SPAG17: variants seen among roughly 807,000 people sequenced by gnomAD.
SPAG17 encodes sperm-associated antigen 17.
A neutral mutation model predicts 273.6 loss-of-function variants in SPAG17; 169 were observed. That is an observed-to-expected ratio of 0.62 (90% CI 0.55 to 0.70). The LOEUF (loss-of-function observed/expected upper bound fraction) is 0.70. Among genes scored for constraint, SPAG17 ranks in the 30% least tolerant of loss-of-function variants. The pLI, the probability that SPAG17 is intolerant of heterozygous loss-of-function variation, is 0.00. For synonymous variants in SPAG17, 825 were observed against 873.2 expected (o/e 0.94, Z 0.97); for missense variants, 2,557 against 2,627.8 (o/e 0.97, Z 0.59).
chr1:117,966,909 G>A (rs753806148), intron 46 of SPAG17, among the ~76,000 whole-genome samples, 156 bp from the exon 47 acceptor site: 1 of 152,126 alleles, frequency 6.6e-6, no homozygotes, highest in Non-Finnish European at 1.5e-5. Context: ...TAAGCATTTA[G>A]CGGAATTACT....
chr1:117,957,572 T>C (rs1054083150), intron 48 of SPAG17, among the ~76,000 whole-genome samples: 6 of 152,250 alleles, frequency 3.9e-5, no homozygotes, highest in Middle Eastern at 3.2e-3. Context: ...CCTCATTTGT[T>C]GTTTCTTTTA....
chr1:118,169,892 T>A (rs1203506944), intron 1 of SPAG17, among the ~76,000 whole-genome samples: 1 of 152,102 alleles, frequency 6.6e-6, no homozygotes, highest in Non-Finnish European at 1.5e-5. Flanking sequence ...TAGAAAAAAA[T>A]TAAAAATTAA....
chr1:118,072,415 C>T (rs930517950), intron 17 of SPAG17, among the ~76,000 whole-genome samples: 6 of 152,066 alleles, frequency 3.9e-5, no homozygotes, highest in African/African-American at 1.4e-4. Context: ...TGGGTGTGGC[C>T]CGGATGACGG....
chr1:118,147,402 TTCATCC>T (rs1659071574), intron 3 of SPAG17, among the ~76,000 whole-genome samples: 1 of 152,210 alleles, frequency 6.6e-6, no homozygotes, highest in Non-Finnish European at 1.5e-5. Context: ...TGGGTTCATC[TTCATCC>T]TCATTATTAA....
chr1:118,176,747 A>T (rs1660716201), intron 1 of SPAG17, among the ~76,000 whole-genome samples: 1 of 152,238 alleles, frequency 6.6e-6, no homozygotes, highest in Non-Finnish European at 1.5e-5. Context: ...TGCAGAATAT[A>T]CGTTCTTTTC....
intron 3 of SPAG17, among the ~76,000 whole-genome samples, chr1:118,148,583 T>C (rs1659196248): frequency 2.0e-5 from 3 of 152,298 alleles, no homozygotes; most frequent in Admixed American, 2.0e-4. Context: ...TACAATCCTC[T>C]AGCTAGACAC....
chr1:117,989,381 G>A (rs1052635672), intron 38 of SPAG17, among the ~76,000 whole-genome samples: 4 of 151,962 alleles, frequency 2.6e-5, no homozygotes, highest in African/African-American at 7.2e-5. Context: ...ATCACATAAC[G>A]AAAAAGGAAG....
intron 43 of SPAG17, among the ~76,000 whole-genome samples, chr1:117,978,573 T>C (rs1336120038): frequency 6.6e-6 from 1 of 152,190 alleles, no homozygotes; most frequent in Non-Finnish European, 1.5e-5. Flanking sequence ...ATATTCCTCT[T>C]TTATATGCAA....
rs1021157124 is a variant in SPAG17 at position 117,954,551 on chromosome 1, A to G, written c.*1-502T>C. On this transcript the variant is annotated intron_variant, in intron 48 of 48. Coordinates refer to ENST00000336338, the MANE Select transcript of SPAG17 (RefSeq NM_206996.4). ...GTGCTACCTAAGTCTCAGTTTTTTT[A>G]ATGACTTGATTTAATAATTTCTTCA... 3.1e-6 allele frequency: 5 copies of G among 1,607,728 alleles called. No individual in the cohort carries two copies. In the African/African-American group the frequency reaches 6.7e-5, roughly 22 times the overall value.
chr1:118,158,407 C>G (rs940414533), intron 1 of SPAG17, among the ~76,000 whole-genome samples: 55 of 152,220 alleles, frequency 3.6e-4, no homozygotes, highest in African/African-American at 1.2e-3. Context: ...AAGAAAGCAG[C>G]CTCAGGCTAC....
intron 1 of SPAG17, among the ~76,000 whole-genome samples, chr1:118,176,863 C>CAAAGGAATAA (rs1262185420): frequency 1.3e-5 from 2 of 151,986 alleles, no homozygotes; most frequent in Admixed American, 6.5e-5. Flanking sequence ...TTTCTGACCA[C>CAAAGGAATAA]AAAGGAATAA....
chr1:118,009,575 T>C (rs1659260187), intron 30 of SPAG17, among the ~76,000 whole-genome samples: 1 of 152,132 alleles, frequency 6.6e-6, no homozygotes, highest in Non-Finnish European at 1.5e-5. Flanking sequence ...TGAAGACCTA[T>C]CTGAGGTCAC....
intron 32 of SPAG17, among the ~76,000 whole-genome samples, chr1:118,000,937 A>G (rs1451274294): frequency 6.6e-6 from 1 of 152,206 alleles, no homozygotes; most frequent in Non-Finnish European, 1.5e-5. Context: ...TTGCCCATTC[A>G]GTATGATATT....
At chr1:118,047,803 A>T (rs1457207121) in intron 20 of SPAG17, among the ~76,000 whole-genome samples, 1 of 151,604 alleles carries the variant, frequency 6.6e-6, no homozygotes, top group African/African-American at 2.4e-5. Flanking sequence ...GTCAATATCC[A>T]TAGACCCAGC....
intron 32 of SPAG17, among the ~76,000 whole-genome samples, chr1:117,997,663 T>G (rs1401792934): frequency 6.6e-6 from 1 of 151,732 alleles, no homozygotes; most frequent in African/African-American, 2.4e-5. Context: ...TATTTTAGAG[T>G]TTGAGTTTGC....
At chr1:118,031,986 T>TC in intron 24 of SPAG17, 119 bp from the exon 25 acceptor site, 3 of 759,560 alleles carry the variant, frequency 3.9e-6, no homozygotes, top group Non-Finnish European at 6.2e-6. Flanking sequence ...CCTTGCTAAA[T>TC]ATGATTTATC....
At chr1:118,040,174 A>T (rs1357707759) in intron 22 of SPAG17, among the ~76,000 whole-genome samples, 2 of 152,234 alleles carry the variant, frequency 1.3e-5, no homozygotes, top group East Asian at 3.9e-4. Context: ...AAAATTGGCT[A>T]TTTCCTTTCA....
At position 117,990,902 on chromosome 1, in the gene SPAG17, A is replaced by G; in HGVS notation, c.5480T>C (p.Phe1827Ser). The G allele has an allele frequency of 6.4e-7, 1 of 1,557,074 alleles. No homozygotes were observed. Among genetic ancestry groups the G allele is most frequent in the South Asian group, 1.2e-5 (1 of 85,186 alleles). The stretch of plus-strand genomic sequence containing the variant: ...TTTTGTAGTTTCCTCCATTTTAGGG[A>G]AAGACTGAAATGAAGATAGAATTAC... ...AADLLKLVMS[F>S]PKMEETTKSH... Residue 1827 changes from phenylalanine to serine, a missense_variant, in exon 38 of 49, where the codon TTC becomes TCC. Physicochemically the swap from Phe to Ser is radical, Grantham distance 155. Transcript: ENST00000336338.
Position 118,029,780 on chromosome 1 carries a change from C to T in SPAG17, c.3610-1386G>A, listed in dbSNP as rs149263744. Among the ~76,000 whole-genome samples, 75 of 152,198 alleles carry T rather than the reference C, an allele frequency of 4.9e-4. No homozygotes were observed. In the East Asian group the frequency reaches 0.014, roughly 28 times the overall value. ...ACCACCAAAATCACTCCACCGGTAC[C>T]CAATTTGTGGATATTTGTTTTTTTC... is the stretch of plus-strand genomic sequence containing the variant. On this transcript the variant is annotated intron_variant, in intron 25 of 48. Transcript: ENST00000336338.
Sources: allele counts gnomAD v4.1 joint callset (sites outside exome capture counted in the v4.1 genomes callset), GRCh38; gene constraint gnomAD v4.1.1; transcripts MANE v1.5; gene names NCBI Gene and HGNC (gene_info 2026-07-23, HGNC 2026-07-21).